LRPPRC: variants seen among roughly 807,000 people sequenced by gnomAD.
LRPPRC encodes the protein leucine-rich PPR motif-containing protein, mitochondrial.
Under a neutral mutation model 180.3 loss-of-function variants are expected in LRPPRC, and 120 were observed. The observed-to-expected ratio is 0.67, with a 90% confidence interval of 0.57 to 0.77. The LOEUF (loss-of-function observed/expected upper bound fraction) is 0.77, where lower values mean the gene tolerates loss of function less well. Among genes scored for constraint, LRPPRC ranks in the 30% least tolerant of loss-of-function variants. LRPPRC has a pLI of 0.00. For missense variants in LRPPRC, 2,012 were observed against 1,657.2 expected (o/e 1.21, Z -3.72); for synonymous variants, 723 against 600.0 (o/e 1.21, Z -3.00).
intron 6 of LRPPRC, 60 bp from the exon 7 acceptor site, chr2:43,975,277 A>C (rs1572568182): frequency 1.4e-6 from 2 of 1,424,334 alleles, no homozygotes; most frequent in Admixed American, 1.7e-5. Context: ...ATAGTTATTC[A>C]AACTAAAACA....
Position 43,974,603 on chromosome 2 carries a change from T to C in LRPPRC, c.1009+11A>G. The C allele has an allele frequency of 6.5e-7, 1 of 1,534,410 alleles. No individual in the cohort carries two copies. The highest frequency in any genetic ancestry group is 1.1e-5 in the South Asian group (1 of 87,818). ...TATAAAAATCATGTAAATAGATTTT[T>C]TTAAAACTACCTGGAATATATCTTC... On this transcript the variant is annotated intron_variant, in intron 8 of 37. Transcript: ENST00000260665.
intron 23 of LRPPRC, among the ~76,000 whole-genome samples, chr2:43,938,789 T>G (rs1672364398): frequency 6.6e-6 from 1 of 152,140 alleles, no homozygotes; most frequent in Admixed American, 6.5e-5. Context: ...CCAAGAAACA[T>G]GTACTCCTAA....
At chr2:43,898,652 C>T (rs945869014) in intron 34 of LRPPRC, among the ~76,000 whole-genome samples, 6 of 152,062 alleles carry the variant, frequency 3.9e-5, no homozygotes, top group Non-Finnish European at 7.4e-5. Context: ...ACTGAGAGTG[C>T]GGGCCACAGA....
chr2:43,991,653 A>G (rs6727861), intron 1 of LRPPRC, among the ~76,000 whole-genome samples: 85,093 of 152,098 alleles, frequency 0.56, 24,848 homozygotes, highest in African/African-American at 0.6. Context: ...AACAGAGTAA[A>G]AGCTGGTTTT....
chr2:43,992,878 G>T (rs1674848156), intron 1 of LRPPRC, among the ~76,000 whole-genome samples: 1 of 152,106 alleles, frequency 6.6e-6, no homozygotes, highest in Non-Finnish European at 1.5e-5. Flanking sequence ...GTAGTAGATG[G>T]TCCATATCTG....
rs746859840 is a variant in LRPPRC at position 43,918,137 on chromosome 2, T to C, written c.3040-4A>G. The C allele has an allele frequency of 1.9e-6, 3 of 1,611,296 alleles. No homozygotes were observed. Among genetic ancestry groups the C allele is most frequent in the Admixed American group, 1.7e-5 (1 of 60,024 alleles). The stretch of plus-strand genomic sequence containing the variant: ...GTTTTTCATCTTCATACCACAACTT[T>C]AAAACAAAGTTATTCTGTTAAATAA... On this transcript the variant is annotated splice_polypyrimidine_tract_variant and splice_region_variant and intron_variant, in intron 28 of 37. Coordinates refer to ENST00000260665, the MANE Select transcript of LRPPRC (RefSeq NM_133259.4).
At chr2:43,911,570 A>G (rs1572907145) in intron 30 of LRPPRC, among the ~76,000 whole-genome samples, 1 of 121,732 alleles carries the variant, frequency 8.2e-6, no homozygotes, top group Non-Finnish European at 1.6e-5. Context: ...TTTGTCACCC[A>G]GGCTGGAGTG....
intron 2 of LRPPRC, among the ~76,000 whole-genome samples, chr2:43,981,462 C>G (rs761676747): frequency 6.6e-6 from 1 of 152,080 alleles, no homozygotes; most frequent in Admixed American, 6.5e-5. Flanking sequence ...AGTTCGAGAC[C>G]AGCCTGGCCA....
chr2:43,948,730 G>T (rs1024893417), intron 16 of LRPPRC, among the ~76,000 whole-genome samples: 2 of 152,096 alleles, frequency 1.3e-5, no homozygotes, highest in African/African-American at 4.8e-5. Context: ...TTTTCAGACC[G>T]AGTGACAGCT....
At chr2:43,902,754 T>C (rs1670932582) in intron 31 of LRPPRC, 1 of 152,184 alleles carries the variant, frequency 6.6e-6, no homozygotes, top group Non-Finnish European at 1.5e-5. Flanking sequence ...TGCTAATGGG[T>C]GGTCATACAC....
At chr2:43,902,628 GAAA>G (rs1456712950) in intron 31 of LRPPRC, 1 of 151,736 alleles carries the variant, frequency 6.6e-6, no homozygotes, top group African/African-American at 2.4e-5. Flanking sequence ...TGAGAAAAAA[GAAA>G]AACAGGTTAA....
At chr2:43,941,812 T>C (rs1309702201) in intron 23 of LRPPRC, among the ~76,000 whole-genome samples, 1 of 130,724 alleles carries the variant, frequency 7.6e-6, no homozygotes, top group Non-Finnish European at 1.6e-5. Flanking sequence ...GACCTCATCA[T>C]GGAGACTGCA....
Position 43,934,751 on chromosome 2 carries a change from C to T in LRPPRC, c.2629+3G>A, listed in dbSNP as rs1397688892. Reference sequence around the variant, plus strand: ...TACATTAAGATACTAGAAAGTGACTCACCTTTCTGAATTAGATCAGTCTCG... The same window carrying T: ...TACATTAAGATACTAGAAAGTGACTTACCTTTCTGAATTAGATCAGTCTCG... On this transcript the variant is annotated splice_donor_region_variant and intron_variant, in intron 24 of 37. Transcript: ENST00000260665. 5 of 1,611,826 alleles carry T rather than the reference C, an allele frequency of 3.1e-6. No individual in the cohort carries two copies. The highest frequency in any genetic ancestry group is 2.7e-5 in the African/African-American group (2 of 74,980).
intron 1 of LRPPRC, among the ~76,000 whole-genome samples, chr2:43,987,878 A>C (rs1280333358): frequency 6.6e-6 from 1 of 152,206 alleles, no homozygotes; most frequent in Non-Finnish European, 1.5e-5. Context: ...ACTGGCTAGA[A>C]TATTCTTATC....
At chr2:43,891,187 C>G (rs1670480533) in intron 36 of LRPPRC, among the ~76,000 whole-genome samples, 1 of 152,232 alleles carries the variant, frequency 6.6e-6, no homozygotes, top group Admixed American at 6.5e-5. Context: ...CAAGCTCTAT[C>G]TTCTAGGAAG....
At chr2:43,966,165 G>T (rs1365089360) in intron 11 of LRPPRC, among the ~76,000 whole-genome samples, 2 of 151,778 alleles carry the variant, frequency 1.3e-5, no homozygotes, top group Non-Finnish European at 2.9e-5. Flanking sequence ...CAACATGAAT[G>T]AACTTGAAGC....
chr2:43,901,031 A>G (rs952222710), intron 32 of LRPPRC, among the ~76,000 whole-genome samples: 1 of 152,232 alleles, frequency 6.6e-6, no homozygotes, highest in African/African-American at 2.4e-5. Flanking sequence ...ACTTCTGAAC[A>G]AAGTGTTTCG....
Position 43,896,618 on chromosome 2 carries a change from AG to A in LRPPRC, c.3900+15del. 6.5e-7 allele frequency: 1 copy of A among 1,531,962 alleles called. No individual in the cohort carries two copies. The highest frequency in any genetic ancestry group is 9.0e-7 in the Non-Finnish European group (1 of 1,105,726). The allele number at this position is 1,531,962 out of a possible 1,614,324, so 94.9% of individuals were successfully genotyped here. ...CGTACAGTATCATTGATTTGTAAGC[AG>A]GTAAAGCACAGTACCTTTCCTTGTT... On this transcript the variant is annotated intron_variant, in intron 35 of 37. Coordinates refer to ENST00000260665, the MANE Select transcript of LRPPRC (RefSeq NM_133259.4).
rs115348163 is a variant in LRPPRC, at chr2:43,959,416, A to G, written c.1582+1125T>C. ...ACATACCAATAACCTGGTTGGTATA[A>G]AGGTTCCACCCATACAGTTTGAATA... On this transcript the variant is annotated intron_variant, in intron 13 of 37. Transcript: ENST00000260665. Among the ~76,000 whole-genome samples, 1,317 of 152,310 alleles carry G rather than the reference A, an allele frequency of 8.6e-3. 21 individuals are homozygous for G. Among genetic ancestry groups the G allele is most frequent in the African/African-American group, 0.03 (1,251 of 41,574 alleles).
Sources: allele counts gnomAD v4.1 joint callset (sites outside exome capture counted in the v4.1 genomes callset), GRCh38; gene constraint gnomAD v4.1.1; transcripts MANE v1.5; gene names NCBI Gene and HGNC (gene_info 2026-07-23, HGNC 2026-07-21).